The following RARB variants were observed in gnomAD, a reference collection of about 807,000 sequenced individuals.
The protein encoded by RARB is HBV-activated protein.
A neutral mutation model predicts 51.9 loss-of-function variants in RARB; 17 were observed. That is an observed-to-expected ratio of 0.33 (90% confidence interval 0.22 to 0.49). The LOEUF (loss-of-function observed/expected upper bound fraction) is 0.49. RARB is among the 20% of genes least tolerant of loss of function. The probability of loss-of-function intolerance (pLI) is 0.99; values close to 1 mark genes in which losing one functional copy is unlikely to be tolerated. For missense variants in RARB, 369 were observed against 550.8 expected (o/e 0.67, Z 3.30); for synonymous variants, 215 against 195.4 (o/e 1.10, Z -0.84).
At chr3:25,360,031 G>C (rs757651795) in intron 5 of RARB, among the ~76,000 whole-genome samples, 1 of 152,310 alleles carries the variant, frequency 6.6e-6, no homozygotes, top group South Asian at 2.1e-4. Flanking sequence ...GAATATCCTT[G>C]TTAATATTCT....
chr3:25,236,308 A>G (rs890252929), intron 5 of RARB, among the ~76,000 whole-genome samples: 1 of 152,208 alleles, frequency 6.6e-6, no homozygotes, highest in Non-Finnish European at 1.5e-5. Context: ...ACTCATCAAC[A>G]GATTTTAAGC....
chr3:25,294,978 G>A (rs75154803), intron 5 of RARB, among the ~76,000 whole-genome samples: 3,479 of 152,194 alleles, frequency 0.023, 141 homozygotes, highest in African/African-American at 0.08. Flanking sequence ...GTCCTGCTGT[G>A]TCTCATGGAA....
intron 2 of RARB, among the ~76,000 whole-genome samples, chr3:24,859,523 C>T (rs1293242843): frequency 1.3e-5 from 2 of 152,132 alleles, no homozygotes; most frequent in Admixed American, 6.5e-5. Flanking sequence ...TGGTCTCAAA[C>T]CTCTGTATTC....
intron 3 of RARB, among the ~76,000 whole-genome samples, chr3:25,086,841 T>C (rs1699114154): frequency 6.6e-6 from 1 of 152,096 alleles, no homozygotes. Flanking sequence ...AGAACAAGGT[T>C]CTTATTATGC....
At chr3:24,998,737 G>C (rs559945163) in intron 2 of RARB, among the ~76,000 whole-genome samples, 70 of 152,132 alleles carry the variant, frequency 4.6e-4, no homozygotes, top group Non-Finnish European at 7.5e-4. Flanking sequence ...AACTCAGCTA[G>C]TTCTTACATG....
intron 5 of RARB, among the ~76,000 whole-genome samples, chr3:25,327,184 T>C (rs1450893551): frequency 6.6e-6 from 1 of 151,994 alleles, no homozygotes; most frequent in Non-Finnish European, 1.5e-5. Context: ...CTATTAAGAA[T>C]TACAGGGAGA....
chr3:25,379,048 C>A (rs549768928), intron 5 of RARB, among the ~76,000 whole-genome samples: 1 of 152,306 alleles, frequency 6.6e-6, no homozygotes, highest in African/African-American at 2.4e-5. Flanking sequence ...CAACAGCCAG[C>A]TTCTTGCAGG....
chr3:25,527,467 A>G (rs1264197269), intron 3 of RARB, among the ~76,000 whole-genome samples: 1 of 152,194 alleles, frequency 6.6e-6, no homozygotes, highest in Non-Finnish European at 1.5e-5. Flanking sequence ...ATAGAGGTCA[A>G]AAAAGCTGTG....
intron 5 of RARB, among the ~76,000 whole-genome samples, chr3:25,264,552 A>G (rs1054478435): frequency 1.3e-5 from 2 of 152,188 alleles, no homozygotes; most frequent in Admixed American, 6.5e-5. Context: ...CCAAAATTGC[A>G]TATTGCTTTA....
At chr3:25,110,097 C>A (rs78179575) in intron 3 of RARB, among the ~76,000 whole-genome samples, 2,209 of 152,284 alleles carry the variant, frequency 0.015, 48 homozygotes, top group African/African-American at 0.049. Context: ...TGGTTTCTCT[C>A]TCCTGACTGA....
rs140186887 is a variant in RARB, at chr3:25,393,545, A to C, written c.179-67648A>C. On this transcript the variant is annotated intron_variant, in intron 5 of 11. Transcript: ENST00000383772. ...CTTTTTTTTGTTGGCAGTTTTTTAA[A>C]TTACCATTTCATTCTCACTGCTTGT... Among the ~76,000 whole-genome samples the C allele has an allele frequency of 3.2e-3, 483 of 152,112 alleles. 4 individuals are homozygous for C. Among genetic ancestry groups the C allele is most frequent in the African/African-American group, 0.011 (462 of 41,530 alleles).
chr3:25,552,006 G>C (rs1456380095), intron 3 of RARB, among the ~76,000 whole-genome samples: 1 of 152,052 alleles, frequency 6.6e-6, no homozygotes, highest in Non-Finnish European at 1.5e-5. Flanking sequence ...TTAAAGTCAA[G>C]AGGCATCCTA....
chr3:25,253,190 G>T (rs1372849596), intron 5 of RARB, among the ~76,000 whole-genome samples: 1 of 152,094 alleles, frequency 6.6e-6, no homozygotes, highest in Admixed American at 6.6e-5. Flanking sequence ...TGGAAAATAG[G>T]TACTTGTAAT....
intron 1 of RARB, among the ~76,000 whole-genome samples, chr3:25,451,195 C>G (rs773848823): frequency 1.3e-5 from 2 of 152,196 alleles, no homozygotes; most frequent in Non-Finnish European, 2.9e-5. Context: ...GGTTGGCTAT[C>G]ATTTATTGAG....
chr3:25,532,909 G>A (rs1184684798), intron 3 of RARB, among the ~76,000 whole-genome samples: 1 of 152,192 alleles, frequency 6.6e-6, no homozygotes, highest in Non-Finnish European at 1.5e-5. Flanking sequence ...GCTGGCCTCA[G>A]TACTCTTGAA....
chr3:25,579,215 A>G (rs1701068367), intron 4 of RARB, among the ~76,000 whole-genome samples: 2 of 152,190 alleles, frequency 1.3e-5, no homozygotes, highest in South Asian at 4.1e-4. Flanking sequence ...AGTCAGGTTT[A>G]TTGCAGTATA....
chr3:25,042,025 T>C (rs1698125132), intron 2 of RARB, among the ~76,000 whole-genome samples: 1 of 152,056 alleles, frequency 6.6e-6, no homozygotes, highest in African/African-American at 2.4e-5. Flanking sequence ...GCCCCAGGTG[T>C]AATAACATCG....
chr3:25,325,793 G>A (rs1197620846), intron 5 of RARB, among the ~76,000 whole-genome samples: 11 of 151,006 alleles, frequency 7.3e-5, no homozygotes, highest in Non-Finnish European at 1.3e-4. Flanking sequence ...GGGGGTTGTT[G>A]GGGGAAGCCA....
At chr3:24,916,121 A>G (rs1345217617) in intron 2 of RARB, among the ~76,000 whole-genome samples, 1 of 152,156 alleles carries the variant, frequency 6.6e-6, no homozygotes. Context: ...ATGAGAGCAC[A>G]AGCAGAGATG....
Sources: gnomAD v4.1 joint callset for allele counts (sites outside exome capture counted in the v4.1 genomes callset) on GRCh38, gnomAD v4.1.1 for gene constraint, MANE v1.5 for transcripts, NCBI Gene and HGNC (gene_info 2026-07-23, HGNC 2026-07-21) for gene names.